Variants in CASP5 observed in about 807,000 individuals in gnomAD.
The protein encoded by CASP5 is caspase-5.
In CASP5, 42 loss-of-function variants were observed where a neutral mutation model predicts 45.2. The ratio of observed to expected loss-of-function variants is 0.93; its 90% CI spans 0.73 to 1.20. The LOEUF is 1.20. CASP5 is among the 50% of genes most tolerant of loss of function. The pLI is 0.00. For synonymous variants in CASP5, 209 were observed against 186.2 expected (o/e 1.12, Z -1.00); for missense variants, 512 against 532.2 (o/e 0.96, Z 0.37).
chr11:105,019,933 C>T lies in CASP5; in HGVS notation c.7+3197G>A, dbSNP rs527933103. Among the ~76,000 whole-genome samples, 768 of 145,908 alleles carry T rather than the reference C, an allele frequency of 5.3e-3. 16 individuals carry two copies. Among genetic ancestry groups the T allele is most frequent in the African/African-American group, 0.018 (736 of 40,226 alleles). On this transcript the variant is annotated intron_variant, in intron 1 of 9. Coordinates refer to ENST00000260315, the MANE Select transcript of CASP5 (RefSeq NM_004347.5). ...TAAAATACTGGCAAACCGAATCTAG[C>T]AGCACATCAAAAAGCTTATCCACCA...
intron 1 of CASP5, among the ~76,000 whole-genome samples, chr11:105,011,167 C>T (rs1165708512): frequency 2.0e-5 from 3 of 151,656 alleles, no homozygotes; most frequent in Non-Finnish European, 3.0e-5. Flanking sequence ...GCAAAGAGTA[C>T]ACAGATTAGT....
intron 1 of CASP5, 132 bp from the exon 2 acceptor site, chr11:105,009,112 T>A (rs187481578): frequency 1.3e-6 from 1 of 747,684 alleles, no homozygotes; most frequent in Admixed American, 2.8e-5. Context: ...CAACAAATAC[T>A]CATTATTTCT....
Position 104,998,903 on chromosome 11 carries a change from A to C in CASP5, c.1078T>G (p.Phe360Val). The change falls in exon 7 of 10, where the codon TTC becomes GTC. Residue 360 changes from phenylalanine (F) to valine (V), a missense_variant. Phe to Val is a conservative substitution (Grantham distance 50, BLOSUM62 -1). Coordinates refer to ENST00000260315, the MANE Select transcript of CASP5 (RefSeq NM_004347.5). Reference sequence around the variant, plus strand: ...CACATACGTGGTGTTGAAGAACAGAAAGCAATGAAGTCCTTCTCCTCGTGG... The same window carrying C: ...CACATACGTGGTGTTGAAGAACAGACAGCAATGAAGTCCTTCTCCTCGTGG... ...KIHEEKDFIAFCSSTPHNVSW... is the reference protein window; with the variant it reads ...KIHEEKDFIAVCSSTPHNVSW... 2 of 1,613,698 alleles carry C rather than the reference A, an allele frequency of 1.2e-6. No individual in the cohort carries two copies. Among genetic ancestry groups the C allele is most frequent in the Non-Finnish European group, 1.7e-6 (2 of 1,179,814 alleles).
At chr11:104,997,801 C>G (rs45525741) in intron 7 of CASP5, among the ~76,000 whole-genome samples, 3,890 of 152,206 alleles carry the variant, frequency 0.026, 141 homozygotes, top group African/African-American at 0.084. Context: ...AACTGGAATT[C>G]TTTCACTTTA....
intron 3 of CASP5, 83 bp downstream of exon 3, chr11:105,007,000 A>C: frequency 8.7e-7 from 1 of 1,146,548 alleles, no homozygotes; most frequent in Non-Finnish European, 1.3e-6. Flanking sequence ...CTGTAGGTAG[A>C]TCACAGATAA....
chr11:105,010,320 T>A (rs981903860), intron 1 of CASP5, among the ~76,000 whole-genome samples: 1 of 134,258 alleles, frequency 7.4e-6, no homozygotes, highest in African/African-American at 3.1e-5. Context: ...CATAAAGCAA[T>A]GACAATCATC....
chr11:105,003,273 C>T lies in CASP5; in HGVS notation c.543+1G>A. ...CCCATTTCATACAGAGAGCACAGCA[C>T]CTCATCATGATTTTTTTTACACAGT... is the stretch of plus-strand genomic sequence containing the variant. On this transcript the variant is annotated splice_donor_variant, in intron 4 of 9. Coordinates refer to ENST00000260315, the MANE Select transcript of CASP5 (RefSeq NM_004347.5). LOFTEE classifies it high-confidence loss of function. The T allele has an allele frequency of 6.5e-7, 1 of 1,531,072 alleles. No individual in the cohort carries two copies. Among genetic ancestry groups the T allele is most frequent in the Non-Finnish European group, 9.0e-7 (1 of 1,107,708 alleles). The allele number at this position is 1,531,072 out of a possible 1,614,324, so 94.8% of individuals were successfully genotyped here.
rs1032343996 is a variant in CASP5, at chr11:105,000,077, A to G, written c.952+184T>C. 6.6e-5 allele frequency among the ~76,000 whole-genome samples: 10 copies of G among 152,240 alleles called. No individual in the cohort carries two copies. The East Asian group carries it at 1.2e-3, about 18-fold the overall frequency. The stretch of plus-strand genomic sequence containing the variant: ...TATCACCGTGGATAAAATTGTACAG[A>G]AATTTCTCCACTGATGAGACAATTT... On this transcript the variant is annotated intron_variant, in intron 6 of 9. Coordinates refer to ENST00000260315, the MANE Select transcript of CASP5 (RefSeq NM_004347.5).
rs577734826 is a variant in CASP5 at position 104,995,469 on chromosome 11, G to A, written c.*4+271C>T. Among the ~76,000 whole-genome samples, 9 of 152,200 alleles carry A rather than the reference G, an allele frequency of 5.9e-5. No individual in the cohort carries two copies. In the South Asian group the frequency reaches 1.9e-3, roughly 32 times the overall value. On this transcript the variant is annotated intron_variant, in intron 9 of 9. Transcript: ENST00000260315. Reference sequence around the variant, plus strand: ...AACATAATTAATAATGGTAATATTTGTACATTATTATTTTAATAATTACTA... The same window carrying A: ...AACATAATTAATAATGGTAATATTTATACATTATTATTTTAATAATTACTA...
chr11:105,007,341 G>A lies in CASP5; in HGVS notation c.182-7C>T. The A allele has an allele frequency of 3.1e-6, 5 of 1,589,028 alleles. No individual in the cohort carries two copies. The highest frequency in any genetic ancestry group is 1.7e-5 in the Admixed American group (1 of 57,292). The stretch of plus-strand genomic sequence containing the variant: ...TTTTTTTTGTGGTTGTCTTCTGTCA[G>A]AAATAGAAAGACTCCTTTAACTATG... On this transcript the variant is annotated splice_region_variant and splice_polypyrimidine_tract_variant and intron_variant, in intron 2 of 9. Coordinates refer to ENST00000260315, the MANE Select transcript of CASP5 (RefSeq NM_004347.5).
In CASP5 at chr11:105,022,189, T is replaced by C. The variant is rs971536871; in HGVS notation, c.7+941A>G. 2.0e-4 allele frequency among the ~76,000 whole-genome samples: 29 copies of C among 141,620 alleles called. 2 individuals carry two copies. In the South Asian group the frequency reaches 4.7e-3, roughly 23 times the overall value. The allele number at this position is 141,620 out of a possible 152,430, so 92.9% of individuals were successfully genotyped here. On this transcript the variant is annotated intron_variant, in intron 1 of 9. Transcript: ENST00000260315. ...GTGGGGGGAGGGGGGAGGGATAGCA[T>C]TGGGAGGTATACCTAATGCTAGATG...
chr11:105,013,791 C>T (rs766674836), intron 1 of CASP5, among the ~76,000 whole-genome samples: 3 of 151,980 alleles, frequency 2.0e-5, no homozygotes, highest in South Asian at 4.1e-4. Context: ...CTTCTATTTC[C>T]ATCCTTCATT....
intron 1 of CASP5, among the ~76,000 whole-genome samples, chr11:105,009,755 A>ATC (rs1862197208): frequency 1.2e-5 from 1 of 84,968 alleles, no homozygotes; most frequent in Non-Finnish European, 2.4e-5. Context: ...ATATATATAT[A>ATC]TATACACACA....
chr11:105,011,422 G>A (rs931047275), intron 1 of CASP5, among the ~76,000 whole-genome samples: 8 of 151,760 alleles, frequency 5.3e-5, no homozygotes, highest in Admixed American at 6.6e-5. Flanking sequence ...CACTTTCACC[G>A]CTTCTATTCT....
At position 105,007,083 on chromosome 11, in the gene CASP5, GT is replaced by G; in HGVS notation, c.432del (p.Lys144AsnfsTer29). The G allele has an allele frequency of 6.2e-7, 1 of 1,610,550 alleles. No individual in the cohort carries two copies. Among genetic ancestry groups the G allele is most frequent in the Non-Finnish European group, 8.5e-7 (1 of 1,178,542 alleles). On this transcript the variant is annotated frameshift_variant and splice_region_variant, in exon 3 of 10. Coordinates refer to ENST00000260315, the MANE Select transcript of CASP5 (RefSeq NM_004347.5). LOFTEE classifies it high-confidence loss of function. ...LNMDQKITSV[K>X]PLLQIEAGPP... ...TTTATCGTGTTAGATGCAACCTTAC[GT>G]TTTACACTGGTGATCTTTTGGTCCA...
At position 104,998,917 on chromosome 11, in the gene CASP5, T is replaced by A. The variant is rs1400659161; in HGVS notation, c.1064A>T (p.Lys355Met). 3 of 1,613,808 alleles carry A rather than the reference T, an allele frequency of 1.9e-6. No individual in the cohort carries two copies. Among genetic ancestry groups the A allele is most frequent in the Non-Finnish European group, 2.5e-6 (3 of 1,179,916 alleles). The change falls in exon 7 of 10, where the codon AAG becomes ATG. Residue 355 changes from lysine (K) to methionine (M), a missense_variant. Transcript: ENST00000260315. ...TGAAGAACAGAAAGCAATGAAGTCC[T>A]TCTCCTCGTGGATCTTGCAAACAGA... ...ADSVCKIHEE[K>M]DFIAFCSSTP...
intron 3 of CASP5, among the ~76,000 whole-genome samples, chr11:105,004,308 G>A (rs1861896614): frequency 6.6e-6 from 1 of 152,230 alleles, no homozygotes; most frequent in African/African-American, 2.4e-5. Context: ...ATTTTATAAT[G>A]TGAGGAAATA....
At chr11:104,997,254 G>A in intron 8 of CASP5, 129 bp downstream of exon 8, 1 of 672,498 alleles carries the variant, frequency 1.5e-6, no homozygotes, top group Non-Finnish European at 2.7e-6. Context: ...ACACCTGAAT[G>A]ACAGAAATCA....
At chr11:105,007,018 T>C in intron 3 of CASP5, 65 bp downstream of exon 3, 1 of 1,339,768 alleles carries the variant, frequency 7.5e-7, no homozygotes, top group Admixed American at 2.0e-5. Flanking sequence ...TAACACTGCA[T>C]GGGCCTTGGA....
Sources: allele counts gnomAD v4.1 joint callset (sites outside exome capture counted in the v4.1 genomes callset), GRCh38; gene constraint gnomAD v4.1.1; transcripts MANE v1.5; gene names NCBI Gene and HGNC (gene_info 2026-07-23, HGNC 2026-07-21).